CEP83: variants seen among roughly 807,000 people sequenced by gnomAD.
The protein encoded by CEP83 is centrosomal protein of 83 kDa.
A neutral mutation model predicts 101.9 loss-of-function variants in CEP83; 70 were observed. That is an observed-to-expected ratio of 0.69 (90% CI 0.57 to 0.84). The LOEUF is 0.84. Among genes scored for constraint, CEP83 ranks in the 40% least tolerant of loss-of-function variants. The pLI is 0.00. For missense variants in CEP83, 715 were observed against 787.2 expected, an observed-to-expected ratio of 0.91 and a Z score of 1.10; for synonymous variants, 264 against 267.9, an observed-to-expected ratio of 0.99 and a Z score of 0.14.
At chr12:94,414,282 C>T (rs186984909) in intron 2 of CEP83, among the ~76,000 whole-genome samples, 1 of 152,274 alleles carries the variant, frequency 6.6e-6, no homozygotes, top group East Asian at 1.9e-4. Context: ...AATTTTTACT[C>T]TACTGTGGGT....
rs373544130 is a variant in CEP83, at chr12:94,320,613, T to C, written c.1708-7596A>G. On this transcript the variant is annotated intron_variant, in intron 14 of 16. Transcript: ENST00000397809. ...TGCTTATCTAAAACTCCCTCAGTAT[T>C]TGCTTATCTAAAAAGGATCTTATTT... Among the ~76,000 whole-genome samples, 4 of 152,192 alleles carry C rather than the reference T, an allele frequency of 2.6e-5. No individual in the cohort carries two copies. In the South Asian group the frequency reaches 8.3e-4, roughly 32 times the overall value.
At chr12:94,409,397 C>T (rs370342268) in intron 4 of CEP83, among the ~76,000 whole-genome samples, 14 of 151,814 alleles carry the variant, frequency 9.2e-5, no homozygotes, top group African/African-American at 3.4e-4. Flanking sequence ...CATGGAGGAA[C>T]ATCCAAAGTT....
In CEP83 at chr12:94,310,021, A is replaced by G; in HGVS notation, c.1898T>C (p.Ile633Thr). The G allele has an allele frequency of 1.2e-6, 2 of 1,611,358 alleles. No homozygotes were observed. Among genetic ancestry groups the G allele is most frequent in the Non-Finnish European group, 1.7e-6 (2 of 1,177,708 alleles). The stretch of plus-strand genomic sequence containing the variant: ...TGTTGGAGGCATGTTAGGAACCAAA[A>G]TTAGACTTCGAAATTCATTATGTCT... The part of the protein sequence containing the change: ...QRRHNEFRSL[I>T]LVPNMPPTAS... The change falls in exon 16 of 17, where the codon ATT becomes ACT. Residue 633 changes from isoleucine to threonine, a missense_variant. Transcript: ENST00000397809.
At chr12:94,346,631 G>A (rs1321465378) in intron 11 of CEP83, among the ~76,000 whole-genome samples, 1 of 152,176 alleles carries the variant, frequency 6.6e-6, no homozygotes, top group Non-Finnish European at 1.5e-5. Context: ...TGGCAATCTT[G>A]TGGGACCAAG....
At chr12:94,325,291 G>A (rs2058927012) in intron 14 of CEP83, among the ~76,000 whole-genome samples, 1 of 151,782 alleles carries the variant, frequency 6.6e-6, no homozygotes, top group South Asian at 2.1e-4. Flanking sequence ...CCCTGCCTTA[G>A]CCCCCTGACT....
chr12:94,422,915 A>G (rs923378855), intron 2 of CEP83, among the ~76,000 whole-genome samples: 3 of 152,310 alleles, frequency 2.0e-5, no homozygotes, highest in East Asian at 3.9e-4. Flanking sequence ...ATATTCTTGT[A>G]CAAGACTTTC....
At position 94,415,412 on chromosome 12, in the gene CEP83, C is replaced by A. The variant is rs563984286; in HGVS notation, c.-101-2821G>T. Among the ~76,000 whole-genome samples, 16 of 152,100 alleles carry A rather than the reference C, an allele frequency of 1.1e-4. 1 individual carries two copies. The East Asian group carries it at 3.1e-3, about 29-fold the overall frequency. On this transcript the variant is annotated intron_variant, in intron 2 of 16. Transcript: ENST00000397809. ...TTATGAAAGAAATTTTATTTGTGAA[C>A]AAATTGGCTAAAATGAAAAGTAAAT...
intron 6 of CEP83, among the ~76,000 whole-genome samples, chr12:94,398,166 C>A (rs377171946): frequency 6.6e-6 from 1 of 152,018 alleles, no homozygotes; most frequent in African/African-American, 2.4e-5. Flanking sequence ...CTTCTTAAGC[C>A]GAAGCTGGAG....
intron 2 of CEP83, among the ~76,000 whole-genome samples, chr12:94,413,594 A>G (rs2064045732): frequency 6.6e-6 from 1 of 152,194 alleles, no homozygotes; most frequent in South Asian, 2.1e-4. Context: ...ACAGATTCAC[A>G]TGAGAAATTT....
chr12:94,286,262 T>G, the CEP83 span, among the ~76,000 whole-genome samples: 1 of 152,142 alleles, frequency 6.6e-6, no homozygotes, highest in Non-Finnish European at 1.5e-5. Context: ...TTTAAAAAGC[T>G]AAGCCATAAG....
the CEP83 span, chr12:94,280,076 G>A: frequency 5.9e-6 from 2 of 338,014 alleles, no homozygotes; most frequent in East Asian, 8.0e-5. Flanking sequence ...GACTCTGGGT[G>A]TTAACTCTAG....
intron 11 of CEP83, among the ~76,000 whole-genome samples, chr12:94,355,756 C>T (rs1018473638): frequency 6.6e-5 from 10 of 152,210 alleles, no homozygotes; most frequent in Non-Finnish European, 1.3e-4. Context: ...GGTGGAAAAC[C>T]GCTTAAAAGC....
At chr12:94,309,040 GCAGTCTAAAAA>G (rs1354369030) in intron 16 of CEP83, 123 bp from the exon 17 acceptor site, 2 of 655,658 alleles carry the variant, frequency 3.1e-6, no homozygotes, top group East Asian at 5.4e-5. Flanking sequence ...GACCACTGTA[GCAGTCTAAAAA>G]CAGTAGCATG....
Position 94,436,929 on chromosome 12 carries a change from G to T in CEP83, c.-154-1602C>A, listed in dbSNP as rs563688884. On this transcript the variant is annotated intron_variant, in intron 1 of 16. Coordinates refer to ENST00000397809, the MANE Select transcript of CEP83 (RefSeq NM_016122.3). ...CTCCAAGAAACTTGGGACGTTAAAA[G>T]ACCCAACATAAGAATAATTGCTGTC... is the stretch of plus-strand genomic sequence containing the variant. Among the ~76,000 whole-genome samples the T allele has an allele frequency of 5.3e-5, 8 of 151,974 alleles. No homozygotes were observed. In the East Asian group the frequency reaches 7.7e-4, roughly 15 times the overall value.
chr12:94,310,412 T>C (rs916383703), intron 15 of CEP83, among the ~76,000 whole-genome samples: 1 of 152,170 alleles, frequency 6.6e-6, no homozygotes, highest in Non-Finnish European at 1.5e-5. Context: ...TCATGAATCC[T>C]GAAACTAAAG....
At chr12:94,281,072 A>T in the CEP83 span, among the ~76,000 whole-genome samples, 1 of 152,232 alleles carries the variant, frequency 6.6e-6, no homozygotes, top group Admixed American at 6.5e-5. Flanking sequence ...TGAAGTCAGG[A>T]GTTTGAGACC....
At chr12:94,320,544 C>T (rs1187195199) in intron 14 of CEP83, among the ~76,000 whole-genome samples, 1 of 151,808 alleles carries the variant, frequency 6.6e-6, no homozygotes, top group East Asian at 1.9e-4. Context: ...TTTAGTGTTC[C>T]TGTCAAGATC....
chr12:94,278,586 A>G, the CEP83 span, among the ~76,000 whole-genome samples: 2 of 152,260 alleles, frequency 1.3e-5, no homozygotes, highest in Non-Finnish European at 1.5e-5. Flanking sequence ...TGCAAGAATC[A>G]TAGTATGGGG....
chr12:94,434,481 G>T (rs574361491), intron 2 of CEP83, among the ~76,000 whole-genome samples: 1 of 152,092 alleles, frequency 6.6e-6, no homozygotes, highest in Non-Finnish European at 1.5e-5. Context: ...TAGAAAATAG[G>T]AAAGCTCAAA....
Sources: allele counts gnomAD v4.1 joint callset (sites outside exome capture counted in the v4.1 genomes callset), GRCh38; gene constraint gnomAD v4.1.1; transcripts MANE v1.5; gene names NCBI Gene and HGNC (gene_info 2026-07-23, HGNC 2026-07-21).